The following IMPG2 variants were observed in gnomAD, a reference collection of about 807,000 sequenced individuals.
The protein encoded by IMPG2 is interphotoreceptor matrix proteoglycan 2, also known as IPM 200.
Under a neutral mutation model 129.2 loss-of-function variants are expected in IMPG2, and 91 were observed. The observed-to-expected ratio is 0.70, with a 90% CI of 0.59 to 0.84. The LOEUF is 0.84. Ranked by LOEUF, IMPG2 falls within the 40% of genes least tolerant of loss-of-function variation. The pLI is 0.00. For synonymous variants in IMPG2, 510 were observed against 517.7 expected (o/e 0.99, Z 0.20); for missense variants, 1,430 against 1,461.7 (o/e 0.98, Z 0.35).
At chr3:101,293,297 T>C (rs769237942) in intron 3 of IMPG2, among the ~76,000 whole-genome samples, 1 of 152,198 alleles carries the variant, frequency 6.6e-6, no homozygotes, top group Non-Finnish European at 1.5e-5. Flanking sequence ...AAATATTGTA[T>C]TGGCAGGCAT....
chr3:101,310,559 C>CAAAAA (rs199570786), intron 2 of IMPG2, among the ~76,000 whole-genome samples: 60 of 126,500 alleles, frequency 4.7e-4, no homozygotes, highest in African/African-American at 2.0e-3. Flanking sequence ...GACCCTGTCT[C>CAAAAA]AAAAAAAAAA....
chr3:101,258,015 C>A (rs867669524), intron 9 of IMPG2, among the ~76,000 whole-genome samples: 1 of 152,048 alleles, frequency 6.6e-6, no homozygotes, highest in African/African-American at 2.4e-5. Flanking sequence ...GGCAACCCTG[C>A]AGGATGATCT....
At chr3:101,284,391 C>G (rs1388879845) in intron 4 of IMPG2, among the ~76,000 whole-genome samples, 1 of 152,166 alleles carries the variant, frequency 6.6e-6, no homozygotes, top group Non-Finnish European at 1.5e-5. Context: ...GAAAAAGTCT[C>G]TTGATGCCCA....
intron 14 of IMPG2, among the ~76,000 whole-genome samples, chr3:101,237,570 C>G (rs1284846018): frequency 1.3e-5 from 2 of 152,132 alleles, no homozygotes; most frequent in African/African-American, 4.8e-5. Context: ...GATACCCAGG[C>G]AAACAGAGTC....
intron 9 of IMPG2, among the ~76,000 whole-genome samples, chr3:101,262,404 G>T (rs775249499): frequency 6.6e-6 from 1 of 152,040 alleles, no homozygotes; most frequent in African/African-American, 2.4e-5. Flanking sequence ...GACTATTTCT[G>T]TGCTATACAT....
At chr3:101,276,463 A>G (rs1706841319) in intron 5 of IMPG2, among the ~76,000 whole-genome samples, 1 of 152,180 alleles carries the variant, frequency 6.6e-6, no homozygotes, top group Admixed American at 6.5e-5. Flanking sequence ...TTAATGATTA[A>G]GGAGTTTTAG....
At chr3:101,242,229 CAAGT>C (rs1248546169) in intron 14 of IMPG2, among the ~76,000 whole-genome samples, 2 of 152,016 alleles carry the variant, frequency 1.3e-5, no homozygotes, top group Non-Finnish European at 1.5e-5. Flanking sequence ...TGGAGACTGT[CAAGT>C]AAGTAGATAG....
rs768510691 is a variant in IMPG2, at chr3:101,226,921, TCTC to T, written c.*45_*47del. ...ATTATATGACATAAGTAACAAGTAATCTCCATCTTCTCCAGGCTTCTAATCAGT... is the reference window on the plus strand; with the variant it reads ...ATTATATGACATAAGTAACAAGTAATCATCTTCTCCAGGCTTCTAATCAGT... On this transcript the variant is annotated 3_prime_UTR_variant, in exon 19 of 19. Coordinates refer to ENST00000193391, the MANE Select transcript of IMPG2 (RefSeq NM_016247.4). 1.3e-6 allele frequency: 2 copies of T among 1,591,408 alleles called. No homozygotes were observed. Among genetic ancestry groups the T allele is most frequent in the African/African-American group, 1.3e-5 (1 of 74,498 alleles).
intron 10 of IMPG2, among the ~76,000 whole-genome samples, chr3:101,256,823 A>G (rs1706615884): frequency 6.6e-6 from 1 of 152,134 alleles, no homozygotes; most frequent in Non-Finnish European, 1.5e-5. Context: ...CATGGAGAAT[A>G]GAAGCAAATG....
At position 101,244,115 on chromosome 3, in the gene IMPG2, G is replaced by C. The variant is rs1298714177; in HGVS notation, c.2216C>G (p.Ala739Gly). ...CATATCCTCCCTTAGGATGGCATCTGCCTGATCTGATTTATCAGTAGAGGC... is the reference window on the plus strand; with the variant it reads ...CATATCCTCCCTTAGGATGGCATCTCCCTGATCTGATTTATCAGTAGAGGC... ...ISASTDKSDQ[A>G]DAILREDMEQ... Residue 739 changes from alanine to glycine, a missense_variant, in exon 13 of 19, where the codon GCA (alanine) becomes GGA (glycine). By Grantham distance (60) the Ala-to-Gly change is moderately conservative. Transcript: ENST00000193391. 1 of 1,613,928 alleles carries C rather than the reference G, an allele frequency of 6.2e-7. No individual in the cohort carries two copies. The highest frequency in any genetic ancestry group is 8.5e-7 in the Non-Finnish European group (1 of 1,180,016).
chr3:101,317,699 G>T (rs2058792457), intron 2 of IMPG2, among the ~76,000 whole-genome samples: 1 of 152,092 alleles, frequency 6.6e-6, no homozygotes, highest in African/African-American at 2.4e-5. Flanking sequence ...AGCTGTATGA[G>T]ATCCCTTTTC....
chr3:101,281,926 T>G (rs1706897271), intron 4 of IMPG2, among the ~76,000 whole-genome samples: 1 of 152,160 alleles, frequency 6.6e-6, no homozygotes, highest in Non-Finnish European at 1.5e-5. Flanking sequence ...AAAAGGAACA[T>G]AGCCATGCTG....
intron 6 of IMPG2, 62 bp from the exon 7 acceptor site, chr3:101,273,804 A>G (rs537906536): frequency 4.8e-6 from 7 of 1,470,366 alleles, no homozygotes; most frequent in South Asian, 1.1e-5. Flanking sequence ...ACAAACATTT[A>G]TTGATTGTTT....
At position 101,320,393 on chromosome 3, in the gene IMPG2, TGAGGA is replaced by T. The variant is rs1196351399; in HGVS notation, c.-26_-22del. The T allele has an allele frequency of 6.8e-7, 1 of 1,478,342 alleles. No individual in the cohort carries two copies. The highest frequency in any genetic ancestry group is 1.4e-5 in the African/African-American group (1 of 72,048). 91.6% of individuals were successfully genotyped at this position (1,478,342 alleles called of 1,614,324 possible). On this transcript the variant is annotated 5_prime_UTR_variant, in exon 1 of 19. Coordinates refer to ENST00000193391, the MANE Select transcript of IMPG2 (RefSeq NM_016247.4). ...ATCATTTGGGCCAAAACCAAAGGAATGAGGAGAGGACAGAATCCTTAATTGAGTGT... is the reference window on the plus strand; with the variant it reads ...ATCATTTGGGCCAAAACCAAAGGAATGAGGACAGAATCCTTAATTGAGTGT...
chr3:101,301,176 T>A (rs1308081577), intron 3 of IMPG2, among the ~76,000 whole-genome samples: 1 of 152,156 alleles, frequency 6.6e-6, no homozygotes, highest in African/African-American at 2.4e-5. Flanking sequence ...TTCATGGCAC[T>A]CCACAACAAT....
intron 14 of IMPG2, among the ~76,000 whole-genome samples, chr3:101,242,027 C>T (rs1706413825): frequency 6.7e-6 from 1 of 148,888 alleles, no homozygotes. Flanking sequence ...GAAACACCAT[C>T]TCAAAAAGAA....
At chr3:101,239,406 A>T (rs898157040) in intron 14 of IMPG2, among the ~76,000 whole-genome samples, 2 of 152,248 alleles carry the variant, frequency 1.3e-5, no homozygotes, top group Non-Finnish European at 2.9e-5. Flanking sequence ...AGCCAGTGGA[A>T]TGGCGATCAT....
At chr3:101,257,838 C>T in intron 9 of IMPG2, 65 bp from the exon 10 acceptor site, 4 of 1,570,802 alleles carry the variant, frequency 2.5e-6, no homozygotes, top group Admixed American at 1.7e-5. Flanking sequence ...GAGCATTGAA[C>T]CCATGAAGAA....
chr3:101,239,598 C>A (rs1461979172), intron 14 of IMPG2, among the ~76,000 whole-genome samples: 2 of 152,168 alleles, frequency 1.3e-5, no homozygotes, highest in Non-Finnish European at 2.9e-5. Flanking sequence ...ATAAATCATT[C>A]TACTATAAAG....
Sources: allele counts gnomAD v4.1 joint callset (sites outside exome capture counted in the v4.1 genomes callset), GRCh38; gene constraint gnomAD v4.1.1; transcripts MANE v1.5; gene names NCBI Gene and HGNC (gene_info 2026-07-23, HGNC 2026-07-21).